Variants in ZNF184 observed in about 807,000 individuals in gnomAD.
The protein encoded by ZNF184 is zinc finger protein 184.
A neutral mutation model predicts 54.4 loss-of-function variants in ZNF184; 16 were observed. The observed-to-expected ratio is 0.29, with a 90% CI of 0.20 to 0.45. The LOEUF (loss-of-function observed/expected upper bound fraction) is 0.45, where lower values mean the gene tolerates loss of function less well. Among genes scored for constraint, ZNF184 ranks in the 20% least tolerant of loss-of-function variants. ZNF184 has a pLI of 1.00. For missense variants in ZNF184, 681 were observed against 888.2 expected, an observed-to-expected ratio of 0.77 and a Z score of 2.97; for synonymous variants, 254 against 295.3, an observed-to-expected ratio of 0.86 and a Z score of 1.43.
chr6:27,404,757 T>G, the ZNF184 span: 1 of 152,106 alleles, frequency 6.6e-6, no homozygotes, highest in Non-Finnish European at 1.5e-5. Context: ...TGGCTCACGC[T>G]TGTAATCCCA....
Position 27,452,999 on chromosome 6 carries a change from A to C in ZNF184, c.560T>G (p.Val187Gly). 6.2e-7 allele frequency: 1 copy of C among 1,614,090 alleles called. No individual in the cohort carries two copies. The highest frequency in any genetic ancestry group is 8.5e-7 in the Non-Finnish European group (1 of 1,180,006). The change falls in exon 6 of 6, where the codon GTC becomes GGC. Residue 187 changes from valine (V) to glycine (G), a missense_variant. Physicochemically the swap from Val to Gly is moderately radical, Grantham distance 109 (BLOSUM62 -3). Transcript: ENST00000683788. This position sits in a 1 kb window ranked among gnomAD's most constrained non-coding sequence, Gnocchi z 5.5. ...GPVNNEFGKS[V>G]NVSSNLVTQE... ...TGTTACAAGGTTTGAACTCACATTGACACTTTTCCCAAATTCATTATTTAC... is the reference window on the plus strand; with the variant it reads ...TGTTACAAGGTTTGAACTCACATTGCCACTTTTCCCAAATTCATTATTTAC...
chr6:27,409,962 T>A, the ZNF184 span, among the ~76,000 whole-genome samples: 1 of 152,192 alleles, frequency 6.6e-6, no homozygotes, highest in Non-Finnish European at 1.5e-5. Context: ...ACCTTTTCTA[T>A]GTTTAGATAT....
chr6:27,432,279 G>A, the ZNF184 span, among the ~76,000 whole-genome samples: 7 of 152,216 alleles, frequency 4.6e-5, no homozygotes, highest in Non-Finnish European at 7.3e-5. This position sits in a 1 kb window ranked among gnomAD's most constrained non-coding sequence, Gnocchi z 4.0. Context: ...TAGAAAAGAC[G>A]TGAAAGTGGA....
At chr6:27,448,284 C>T (rs1167784724), downstream of ZNF184, among the ~76,000 whole-genome samples, 2 of 152,198 alleles carry the variant, frequency 1.3e-5, no homozygotes, top group African/African-American at 4.8e-5. Flanking sequence ...ACCTGCTGTA[C>T]ATTCAAAATA....
chr6:27,424,314 G>A, the ZNF184 span, among the ~76,000 whole-genome samples: 25 of 152,334 alleles, frequency 1.6e-4, no homozygotes, highest in African/African-American at 5.5e-4. Flanking sequence ...GCAGCAGCAA[G>A]ATTTATTGCA....
In ZNF184 at chr6:27,460,756, TAG is replaced by T. The variant is rs1418515087; in HGVS notation, c.76-3349_76-3348del. On this transcript the variant is annotated intron_variant, in intron 3 of 5. Coordinates refer to ENST00000683788, the MANE Select transcript of ZNF184 (RefSeq NM_001318891.2). ...AAGTTACCAACATGACATAACTGAATAGAGTTGAGAAGTTATGTGCACAGTCG... is the reference window on the plus strand; with the variant it reads ...AAGTTACCAACATGACATAACTGAATAGTTGAGAAGTTATGTGCACAGTCG... Among the ~76,000 whole-genome samples, 3 of 152,158 alleles carry T rather than the reference TAG, an allele frequency of 2.0e-5. No homozygotes were observed. In the East Asian group the frequency reaches 5.8e-4, roughly 29 times the overall value.
At chr6:27,470,193 C>G (rs1409588441) in intron 2 of ZNF184, among the ~76,000 whole-genome samples, 1 of 151,496 alleles carries the variant, frequency 6.6e-6, no homozygotes, top group Non-Finnish European at 1.5e-5. Flanking sequence ...AACAGACAGA[C>G]TAAGAGATGG....
the ZNF184 span, among the ~76,000 whole-genome samples, chr6:27,413,271 GA>G: frequency 2.1e-3 from 310 of 148,536 alleles, 1 homozygote; most frequent in African/African-American, 7.3e-3. Context: ...AAGAAAGAAA[GA>G]AAAAAAAACA....
chr6:27,441,888 T>G, the ZNF184 span, among the ~76,000 whole-genome samples: 1 of 152,196 alleles, frequency 6.6e-6, no homozygotes, highest in Non-Finnish European at 1.5e-5. Context: ...ACACAAACAT[T>G]GCATTCTCTT....
the ZNF184 span, among the ~76,000 whole-genome samples, chr6:27,437,781 G>C: frequency 1.3e-5 from 2 of 152,226 alleles, no homozygotes; most frequent in Non-Finnish European, 2.9e-5. Context: ...TCAAGGCTGA[G>C]AGAAATCAGA....
the ZNF184 span, among the ~76,000 whole-genome samples, chr6:27,411,021 A>G: frequency 6.6e-6 from 1 of 152,102 alleles, no homozygotes; most frequent in African/African-American, 2.4e-5. Context: ...TGCTACTACA[A>G]CAAAAACTTG....
the ZNF184 span, among the ~76,000 whole-genome samples, chr6:27,432,926 A>G: frequency 1.3e-5 from 2 of 152,216 alleles, no homozygotes; most frequent in Non-Finnish European, 2.9e-5. The surrounding 1 kb of genome is among the most constrained non-coding windows in gnomAD (Gnocchi z 4.0). Flanking sequence ...CCCAGCCACC[A>G]TAACGTGAGA....
the ZNF184 span, among the ~76,000 whole-genome samples, chr6:27,425,876 C>G: frequency 1.3e-5 from 2 of 152,148 alleles, no homozygotes; most frequent in African/African-American, 4.8e-5. Flanking sequence ...GGGCTGTCTC[C>G]CAGATCTCAC....
chr6:27,464,820 T>C (rs1374599722), intron 3 of ZNF184, among the ~76,000 whole-genome samples: 1 of 150,986 alleles, frequency 6.6e-6, no homozygotes, highest in Non-Finnish European at 1.5e-5. Context: ...ATCGAGACCA[T>C]CCTGGCTAAC....
At chr6:27,431,633 A>G in the ZNF184 span, among the ~76,000 whole-genome samples, 17 of 152,354 alleles carry the variant, frequency 1.1e-4, no homozygotes, top group Admixed American at 2.0e-4. Flanking sequence ...AAGAACAGGA[A>G]GCATAAGTAA....
chr6:27,444,806 T>A, the ZNF184 span, among the ~76,000 whole-genome samples: 4 of 152,338 alleles, frequency 2.6e-5, no homozygotes, highest in East Asian at 7.7e-4. Context: ...GCTGCCTACC[T>A]CACACATGGA....
chr6:27,451,102 C>T lies in ZNF184; in HGVS notation c.*201G>A. ...CCATAAAGGAAACTAAAGCTTAAAA[C>T]AGTAGAGTTTTCTAATGTCACAGAG... On this transcript the variant is annotated 3_prime_UTR_variant, in exon 6 of 6. Transcript: ENST00000683788. 5.8e-6 allele frequency: 3 copies of T among 513,286 alleles called. No individual in the cohort carries two copies. The allele number at this position is 513,286 out of a possible 1,614,324, so 31.8% of individuals were successfully genotyped here.
downstream of ZNF184, among the ~76,000 whole-genome samples, chr6:27,447,112 G>T (rs1762646799): frequency 6.6e-6 from 1 of 151,296 alleles, no homozygotes; most frequent in Non-Finnish European, 1.5e-5. Flanking sequence ...TTTCCCTGTT[G>T]GGTTTTGGAA....
At chr6:27,422,148 A>AAAAAAAAAAAGAAAGAAAG in the ZNF184 span, among the ~76,000 whole-genome samples, 1 of 43,470 alleles carries the variant, frequency 2.3e-5, no homozygotes, top group African/African-American at 8.4e-5. Context: ...CTCAAAAAAA[A>AAAAAAAAAAAGAAAGAAAG]AAAGAAAGAA....
Sources: gnomAD v4.1 joint callset for allele counts (sites outside exome capture counted in the v4.1 genomes callset) on GRCh38, gnomAD v4.1.1 for gene constraint, Gnocchi (gnomAD v3.1) non-coding constraint, MANE v1.5 for transcripts, NCBI Gene and HGNC (gene_info 2026-07-23, HGNC 2026-07-21) for gene names.